The following TSPAN9 variants were observed in gnomAD, a reference collection of about 807,000 sequenced individuals.
TSPAN9 encodes the protein tetraspanin 9.
In TSPAN9, 16 loss-of-function variants were observed where a neutral mutation model predicts 31.0. That is an observed-to-expected ratio of 0.52 (90% confidence interval 0.35 to 0.78). TSPAN9 has a LOEUF of 0.78. TSPAN9 is among the 30% of genes least tolerant of loss of function. The pLI is 0.01. For missense variants in TSPAN9, 272 were observed against 312.5 expected, an observed-to-expected ratio of 0.87 and a Z score of 0.98; for synonymous variants, 145 against 121.6, an observed-to-expected ratio of 1.19 and a Z score of -1.27.
At position 3,143,312 on chromosome 12, in the gene TSPAN9, C is replaced by T. The variant is rs1422331367; in HGVS notation, c.-17-57865C>T. On this transcript the variant is annotated intron_variant, in intron 2 of 8. Transcript: ENST00000011898. The surrounding 1 kb of genome is among the most constrained non-coding windows in gnomAD (Gnocchi z 4.2). ...AATTATATTAATTATAATTAATACA[C>T]CATTAATGTCTTGAGGGCAGGCACT... Among the ~76,000 whole-genome samples, 2 of 147,076 alleles carry T rather than the reference C, an allele frequency of 1.4e-5. No homozygotes were observed. Among genetic ancestry groups the T allele is most frequent in the African/African-American group, 2.6e-5 (1 of 38,754 alleles).
At chr12:3,127,955 C>T (rs1565585370) in intron 2 of TSPAN9, among the ~76,000 whole-genome samples, 1 of 152,118 alleles carries the variant, frequency 6.6e-6, no homozygotes, top group Non-Finnish European at 1.5e-5. Flanking sequence ...ACTGGCAGTG[C>T]AGTGGGCTTG....
chr12:3,273,289 T>C (rs1308115343), intron 3 of TSPAN9: 1 of 152,252 alleles, frequency 6.6e-6, no homozygotes, highest in Non-Finnish European at 1.5e-5. Flanking sequence ...TGTGGATTTG[T>C]TTGTAGCCCT....
intron 6 of TSPAN9, 65 bp from the exon 7 acceptor site, chr12:3,281,133 A>C (rs1354793758): frequency 1.3e-6 from 2 of 1,543,646 alleles, no homozygotes; most frequent in Non-Finnish European, 1.7e-6. Context: ...GGGCAGGGGA[A>C]GGCCCTGGGG....
chr12:3,132,912 G>A (rs11834197), intron 2 of TSPAN9, among the ~76,000 whole-genome samples: 59,156 of 151,782 alleles, frequency 0.39, 12,249 homozygotes, highest in Admixed American at 0.51. Context: ...GCTCCTCCCC[G>A]TCACCTTTGG....
chr12:3,236,990 C>T (rs993486325), intron 3 of TSPAN9, among the ~76,000 whole-genome samples: 1 of 152,124 alleles, frequency 6.6e-6, no homozygotes, highest in Non-Finnish European at 1.5e-5. Context: ...GAAATGACTG[C>T]GAGCAGCAGC....
At chr12:3,271,974 G>A (rs995964229) in intron 3 of TSPAN9, among the ~76,000 whole-genome samples, 7 of 152,120 alleles carry the variant, frequency 4.6e-5, no homozygotes, top group Admixed American at 4.6e-4. Context: ...AGCTGTTTTG[G>A]TTTTTTTCTT....
Position 3,218,543 on chromosome 12 carries a change from C to T in TSPAN9, c.63+17287C>T, listed in dbSNP as rs1009146157. On this transcript the variant is annotated intron_variant, in intron 3 of 8. Coordinates refer to ENST00000011898, the MANE Select transcript of TSPAN9 (RefSeq NM_006675.5). ...AGCCTGGGTGGGCCAGGGGTGATGGCGGTAGGAGCGGGCCTGGCTGCCTTC... is the reference window on the plus strand; with the variant it reads ...AGCCTGGGTGGGCCAGGGGTGATGGTGGTAGGAGCGGGCCTGGCTGCCTTC... Among the ~76,000 whole-genome samples, 19 of 152,098 alleles carry T rather than the reference C, an allele frequency of 1.2e-4. No individual in the cohort carries two copies. The East Asian group carries it at 1.9e-3, about 15-fold the overall frequency.
intron 3 of TSPAN9, among the ~76,000 whole-genome samples, chr12:3,212,891 C>T (rs949466393): frequency 2.0e-5 from 3 of 151,904 alleles, no homozygotes. Flanking sequence ...GGAGAGGGCT[C>T]GAGGATCTGG....
At position 3,131,913 on chromosome 12, in the gene TSPAN9, C is replaced by T. The variant is rs556655671; in HGVS notation, c.-18+48194C>T. 7.2e-5 allele frequency among the ~76,000 whole-genome samples: 11 copies of T among 152,320 alleles called. No homozygotes were observed. In the East Asian group the frequency reaches 2.1e-3, roughly 29 times the overall value. ...TTCATCACCCTGACTATGAATCCTG[C>T]ACCCCTTACCTGTGACCCCCCAGGC... On this transcript the variant is annotated intron_variant, in intron 2 of 8. Transcript: ENST00000011898.
At chr12:3,244,885 G>A (rs1056852672) in intron 3 of TSPAN9, among the ~76,000 whole-genome samples, 4 of 152,172 alleles carry the variant, frequency 2.6e-5, no homozygotes, top group African/African-American at 7.2e-5. Flanking sequence ...CTGGGGCAGT[G>A]GACACAGCCT....
At position 3,264,697 on chromosome 12, in the gene TSPAN9, T is replaced by C. The variant is rs1349087067; in HGVS notation, c.64-13724T>C. On this transcript the variant is annotated intron_variant, in intron 3 of 8. Transcript: ENST00000011898. ...CTGGCCTCCGTAACCTAGGGAAGGA[T>C]GGCTGCAGGCTATAAATACTCATAA... 3.9e-5 allele frequency among the ~76,000 whole-genome samples: 6 copies of C among 152,214 alleles called. 2 individuals are homozygous for C. In the South Asian group the frequency reaches 1.2e-3, roughly 32 times the overall value.
rs867801616 is a variant in TSPAN9 at position 3,095,628 on chromosome 12, G to A, written c.-18+11909G>A. ...GACGGGGCGGCTGGCCGGGCGGAGG[G>A]CTGACCCCCCCCACCTCCCTCCCGG... On this transcript the variant is annotated intron_variant, in intron 2 of 8. Transcript: ENST00000011898. Among the ~76,000 whole-genome samples, 320 of 74,706 alleles carry A rather than the reference G, an allele frequency of 4.3e-3. 26 individuals are homozygous for A. Among genetic ancestry groups the A allele is most frequent in the Middle Eastern group, 8.6e-3 (1 of 116 alleles). The allele number at this position is 74,706 out of a possible 152,430, so 49.0% of individuals were successfully genotyped here.
At chr12:3,166,889 C>A (rs1473902496) in intron 2 of TSPAN9, among the ~76,000 whole-genome samples, 1 of 152,148 alleles carries the variant, frequency 6.6e-6, no homozygotes. Flanking sequence ...CTCCACCTCC[C>A]AGGTTCAAGT....
Position 3,192,984 on chromosome 12 carries a change from C to T in TSPAN9, c.-17-8193C>T, listed in dbSNP as rs759064660. Among the ~76,000 whole-genome samples, 3 of 152,144 alleles carry T rather than the reference C, an allele frequency of 2.0e-5. No homozygotes were observed. The highest frequency in any genetic ancestry group is 2.4e-5 in the African/African-American group (1 of 41,418). On this transcript the variant is annotated intron_variant, in intron 2 of 8. Transcript: ENST00000011898. This position sits in a 1 kb window ranked among gnomAD's most constrained non-coding sequence, Gnocchi z 4.6. The stretch of plus-strand genomic sequence containing the variant: ...CCATTGAACAGCTTCTGTGTTCCCT[C>T]GTAACCTTTATTCCTTATTTTTTTA...
At chr12:3,279,121 G>A (rs1452437656) in intron 5 of TSPAN9, 55 bp downstream of exon 5, 4 of 1,530,540 alleles carry the variant, frequency 2.6e-6, no homozygotes, top group African/African-American at 2.7e-5. Flanking sequence ...CTTAGAGTTG[G>A]GCCAAGCAGG....
At chr12:3,231,488 C>G (rs1356044549) in intron 3 of TSPAN9, among the ~76,000 whole-genome samples, 2 of 152,208 alleles carry the variant, frequency 1.3e-5, no homozygotes, top group Non-Finnish European at 2.9e-5. Context: ...GGAGAGATGC[C>G]GTCGGCAGAG....
chr12:3,242,093 G>A (rs2098396879), intron 3 of TSPAN9, among the ~76,000 whole-genome samples: 1 of 152,252 alleles, frequency 6.6e-6, no homozygotes, highest in Non-Finnish European at 1.5e-5. Context: ...CCTGAGGCCA[G>A]CATCAGGGGT....
At chr12:3,272,033 T>C (rs1862687324) in intron 3 of TSPAN9, among the ~76,000 whole-genome samples, 1 of 152,228 alleles carries the variant, frequency 6.6e-6, no homozygotes. Flanking sequence ...CATTAAATGT[T>C]GGGCCTGGCC....
intron 3 of TSPAN9, among the ~76,000 whole-genome samples, chr12:3,246,333 G>T (rs1862126710): frequency 6.6e-6 from 1 of 152,034 alleles, no homozygotes; most frequent in African/African-American, 2.4e-5. Context: ...ATATGAATTG[G>T]TGGGGACCAA....
Sources: allele counts gnomAD v4.1 joint callset (sites outside exome capture counted in the v4.1 genomes callset), GRCh38; gene constraint gnomAD v4.1.1; non-coding constraint Gnocchi (gnomAD v3.1); transcripts MANE v1.5; gene names NCBI Gene and HGNC (gene_info 2026-07-23, HGNC 2026-07-21).